ADAMTSL2: variants seen among roughly 807,000 people sequenced by gnomAD.
The protein encoded by ADAMTSL2 is ADAMTS like 2.
A neutral mutation model predicts 117.0 loss-of-function variants in ADAMTSL2; 55 were observed. The ratio of observed to expected loss-of-function variants is 0.47; its 90% CI spans 0.38 to 0.59. The LOEUF (loss-of-function observed/expected upper bound fraction) is 0.59, where lower values mean the gene tolerates loss of function less well. Ranked by LOEUF, ADAMTSL2 falls within the 20% of genes least tolerant of loss-of-function variation. The pLI, the probability that ADAMTSL2 is intolerant of heterozygous loss-of-function variation, is 0.00. For missense variants in ADAMTSL2, 1,182 were observed against 1,354.5 expected, an observed-to-expected ratio of 0.87 and a Z score of 2.00; for synonymous variants, 572 against 566.4, an observed-to-expected ratio of 1.01 and a Z score of -0.14.
intron 12 of ADAMTSL2, among the ~76,000 whole-genome samples, chr9:133,565,839 C>CCACA (rs71281253): frequency 0.07 from 10,043 of 143,948 alleles, 439 homozygotes; most frequent in African/African-American, 0.11. Context: ...TCTCCCGTGG[C>CCACA]CACACACACA....
chr9:133,542,558 C>T (rs1359671608), intron 7 of ADAMTSL2, among the ~76,000 whole-genome samples: 4 of 152,202 alleles, frequency 2.6e-5, no homozygotes, highest in African/African-American at 2.4e-5. Flanking sequence ...ATGCAAACAG[C>T]GCCCCTCATT....
At chr9:133,534,682 CGGCCGCCG>C, upstream of ADAMTSL2, 1 of 1,350,924 alleles carries the variant, frequency 7.4e-7, no homozygotes, top group Non-Finnish European at 9.6e-7. Flanking sequence ...GCTATAAAGG[CGGCCGCCG>C]GCGCAGAGCC....
chr9:133,569,139 G>A (rs1191005771), intron 15 of ADAMTSL2, among the ~76,000 whole-genome samples: 4 of 151,946 alleles, frequency 2.6e-5, no homozygotes, highest in South Asian at 2.1e-4. Context: ...CTCTCTCATC[G>A]AGAGAGATGC....
rs1427056574 is a variant in ADAMTSL2, at chr9:133,554,137, C to G, written c.940-220C>G. On this transcript the variant is annotated intron_variant, in intron 9 of 18. Transcript: ENST00000651351. This position sits in a 1 kb window ranked among gnomAD's most constrained non-coding sequence, Gnocchi z 5.2. ...ACCCAGGGTGGGCCACTCCCCCCAC[C>G]ACACATCCCCAGCCCCCGCCCTGTT... Among the ~76,000 whole-genome samples the G allele has an allele frequency of 1.3e-5, 2 of 152,226 alleles. No homozygotes were observed. The highest frequency in any genetic ancestry group is 2.9e-5 in the Non-Finnish European group (2 of 68,022).
Position 133,568,628 on chromosome 9 carries a change from G to A in ADAMTSL2, c.2114G>A (p.Ser705Asn). 6.2e-7 allele frequency: 1 copy of A among 1,611,844 alleles called. No homozygotes were observed. The highest frequency in any genetic ancestry group is 8.5e-7 in the Non-Finnish European group (1 of 1,179,570). ...TGCACTGCCAAGTGTGGGGAGCGCA[G>A]TGTGGTGACCAGGGACATCCGCTGC... ...SECTAKCGER[S>N]VVTRDIRCSE... is the part of the protein sequence containing the mutation. Residue 705 changes from serine (S) to asparagine (N), a missense_variant, in exon 15 of 19, where the codon AGT becomes AAT. Ser to Asn is a conservative substitution (Grantham distance 46). Around this residue, in one of 3 missense-constraint regions of ADAMTSL2, gnomAD observed 465 missense variants for 565.3 expected, o/e 0.82. Transcript: ENST00000651351.
chr9:133,540,793 C>G, intron 6 of ADAMTSL2, 50 bp downstream of exon 6: 1 of 1,613,394 alleles, frequency 6.2e-7, no homozygotes, highest in East Asian at 2.2e-5. Flanking sequence ...GTGCTGACTG[C>G]CCGCCCGCCT....
At chr9:133,539,682 G>GGCTGTCCCT in intron 4 of ADAMTSL2, 89 bp from the exon 5 acceptor site, 2 of 1,349,086 alleles carry the variant, frequency 1.5e-6, no homozygotes, top group Admixed American at 2.0e-5. Context: ...CGGCTGTCCC[G>GGCTGTCCCT]GCTGCAGCCA....
chr9:133,567,206 A>T, intron 13 of ADAMTSL2, 144 bp downstream of exon 13: 2 of 1,056,828 alleles, frequency 1.9e-6, no homozygotes, highest in Non-Finnish European at 2.7e-6. Flanking sequence ...GGGCATACAG[A>T]CCTCACCCCT....
Position 133,568,480 on chromosome 9 carries a change from G to T in ADAMTSL2, c.2082G>T (p.Trp694Cys). 6.2e-7 allele frequency: 1 copy of T among 1,603,020 alleles called. No homozygotes were observed. The highest frequency in any genetic ancestry group is 8.5e-7 in the Non-Finnish European group (1 of 1,175,798). ...GGCCCCAGTGGGAGATGTCGGAGTG[G>T]TCCGAGGTGAGTGCCTGCGGGAGCA... ...ACGPQWEMSE[W>C]SECTAKCGER... is the part of the protein sequence containing the mutation. The change falls in exon 14 of 19, where the codon TGG becomes TGT. Residue 694 changes from tryptophan to cysteine, a missense_variant. By Grantham distance (215) the Trp-to-Cys change is radical (BLOSUM62 -2). Around this residue, in one of 3 missense-constraint regions of ADAMTSL2, gnomAD observed 465 missense variants for 565.3 expected, o/e 0.82. Transcript: ENST00000651351.
At chr9:133,567,979 C>T (rs1217980982) in intron 13 of ADAMTSL2, among the ~76,000 whole-genome samples, 2 of 152,226 alleles carry the variant, frequency 1.3e-5, no homozygotes, top group Non-Finnish European at 2.9e-5. Flanking sequence ...ATCCTGTGGG[C>T]GCACAGCCAC....
At chr9:133,552,769 G>T (rs1479230161) in intron 9 of ADAMTSL2, among the ~76,000 whole-genome samples, 2 of 152,112 alleles carry the variant, frequency 1.3e-5, no homozygotes, top group Non-Finnish European at 2.9e-5. Flanking sequence ...TTGTTATTGT[G>T]GGGGCTGAAC....
At chr9:133,552,498 G>A (rs1017361870) in intron 9 of ADAMTSL2, among the ~76,000 whole-genome samples, 3 of 152,220 alleles carry the variant, frequency 2.0e-5, no homozygotes, top group African/African-American at 4.8e-5. Context: ...GAGCGGGAGC[G>A]TAAGTGTAGC....
rs1317954832 is a variant in ADAMTSL2, at chr9:133,547,199, G to T, written c.925G>T (p.Gly309Cys). 1.2e-6 allele frequency: 2 copies of T among 1,613,494 alleles called. No homozygotes were observed. Among genetic ancestry groups the T allele is most frequent in the Non-Finnish European group, 1.7e-6 (2 of 1,179,596 alleles). The stretch of plus-strand genomic sequence containing the variant: ...CGTGGCACAGGGGCCCACCAACCAG[G>T]GCCTGAATGTCATGGTACGTGTGCC... ...YIVAQGPTNQ[G>C]LNVMVWNQNG... Residue 309 changes from glycine (G) to cysteine (C), a missense_variant, in exon 9 of 19, where the codon GGC (glycine) becomes TGC (cysteine). By Grantham distance (159) the Gly-to-Cys change is radical. This residue lies in a region of ADAMTSL2 where 372 missense variants were observed against 463.4 expected (regional missense o/e 0.80). Transcript: ENST00000651351.
In ADAMTSL2 at chr9:133,547,201, C is replaced by T. The variant is rs774432357; in HGVS notation, c.927C>T (p.Gly309=). Reference sequence around the variant, plus strand: ...TGGCACAGGGGCCCACCAACCAGGGCCTGAATGTCATGGTACGTGTGCCGC... The same window carrying T: ...TGGCACAGGGGCCCACCAACCAGGGTCTGAATGTCATGGTACGTGTGCCGC... ...YIVAQGPTNQ[G]LNVMVWNQNG... The change falls in exon 9 of 19, where the codon GGC becomes GGT. Residue 309 remains glycine, a synonymous_variant. Coordinates refer to ENST00000651351, the MANE Select transcript of ADAMTSL2 (RefSeq NM_014694.4). The T allele has an allele frequency of 2.5e-6, 4 of 1,613,520 alleles. No individual in the cohort carries two copies. The highest frequency in any genetic ancestry group is 1.1e-5 in the South Asian group (1 of 91,058).
rs1176968950 is a variant in ADAMTSL2, at chr9:133,555,616, C to T, written c.1335C>T (p.Thr445=). ...ACAAGGATGACGAAGAGGTTGACAC[C>T]CACTTCGCCTCCCAGGAGTTCTTCT... ...TGDKDDEEVD[T]HFASQEFFSA... is the part of the protein sequence containing the mutation. Residue 445 remains threonine, a synonymous_variant, in exon 11 of 19, where the codon ACC becomes ACT. Coordinates refer to ENST00000651351, the MANE Select transcript of ADAMTSL2 (RefSeq NM_014694.4). The T allele has an allele frequency of 9.9e-6, 16 of 1,613,290 alleles. No individual in the cohort carries two copies. The highest frequency in any genetic ancestry group is 1.4e-5 in the Non-Finnish European group (16 of 1,180,040).
Position 133,573,877 on chromosome 9 carries a change from G to A in ADAMTSL2, c.2627G>A (p.Arg876Gln). ...TKTCGVGVRM[R>Q]DVKCYQGTDI... ...ACCTGCGGGGTGGGCGTGAGGATGC[G>A]AGACGTCAAGTGCTACCAGGGGACC... The change falls in exon 18 of 19, where the codon CGA becomes CAA. Residue 876 changes from arginine (R) to glutamine (Q), a missense_variant. Arg to Gln is a conservative substitution (Grantham distance 43). Coordinates refer to ENST00000651351, the MANE Select transcript of ADAMTSL2 (RefSeq NM_014694.4). 1 of 1,614,116 alleles carries A rather than the reference G, an allele frequency of 6.2e-7. No homozygotes were observed. The highest frequency in any genetic ancestry group is 8.5e-7 in the Non-Finnish European group (1 of 1,180,028).
In ADAMTSL2 at chr9:133,569,467, C is replaced by T. The variant is rs1223672284; in HGVS notation, c.2304C>T (p.Asp768=). 44 of 1,613,494 alleles carry T rather than the reference C, an allele frequency of 2.7e-5. No homozygotes were observed. The South Asian group carries it at 2.7e-4, about 10-fold the overall frequency. ...GGCACGTGTACTGCAAGACCAGCGACGGACGGGTAGTACCTGAGTCCCAGT... is the reference window on the plus strand; with the variant it reads ...GGCACGTGTACTGCAAGACCAGCGATGGACGGGTAGTACCTGAGTCCCAGT... ...TIRHVYCKTS[D]GRVVPESQCQ... Residue 768 remains aspartate, a synonymous_variant, in exon 16 of 19, where the codon GAC becomes GAT. Transcript: ENST00000651351.
chr9:133,570,720 T>G (rs1831086319), intron 17 of ADAMTSL2, among the ~76,000 whole-genome samples: 1 of 152,206 alleles, frequency 6.6e-6, no homozygotes, highest in Non-Finnish European at 1.5e-5. Context: ...ATCTTGTCCC[T>G]GGGATCCCTA....
At position 133,547,302 on chromosome 9, in the gene ADAMTSL2, A is replaced by G. The variant is rs1830375338; in HGVS notation, c.939+89A>G. On this transcript the variant is annotated intron_variant, in intron 9 of 18. Coordinates refer to ENST00000651351, the MANE Select transcript of ADAMTSL2 (RefSeq NM_014694.4). ...CACAGGTGAGGTCTTCCAGCCCGTG[A>G]CGCCCCCAGGGCCACTGTGCGCGTG... 9.4e-6 allele frequency: 13 copies of G among 1,381,608 alleles called. No homozygotes were observed. In the South Asian group the frequency reaches 1.6e-4, roughly 17 times the overall value. 85.6% of individuals were successfully genotyped at this position (1,381,608 alleles called of 1,614,324 possible).
Sources: gnomAD v4.1 joint callset for allele counts (sites outside exome capture counted in the v4.1 genomes callset) on GRCh38, gnomAD v4.1.1 for gene constraint, gnomAD v4.1.1 regional missense constraint, Gnocchi (gnomAD v3.1) non-coding constraint, MANE v1.5 for transcripts, NCBI Gene and HGNC (gene_info 2026-07-23, HGNC 2026-07-21) for gene names.